TFEC: variants seen among roughly 807,000 people sequenced by gnomAD.
TFEC encodes transcription factor EC, also known as class E basic helix-loop-helix protein 34.
A neutral mutation model predicts 41.6 loss-of-function variants in TFEC; 31 were observed. The observed-to-expected ratio is 0.74, with a 90% CI of 0.56 to 1.01. The LOEUF (loss-of-function observed/expected upper bound fraction) is 1.01, where lower values mean the gene tolerates loss of function less well. Ranked by LOEUF, TFEC falls within the 50% of genes least tolerant of loss-of-function variation. The pLI is 0.00. For missense variants in TFEC, 402 were observed against 404.1 expected (o/e 0.99, Z 0.04); for synonymous variants, 143 against 140.6 (o/e 1.02, Z -0.12).
At chr7:116,051,558 C>A (rs1428715710) in intron 3 of TFEC, among the ~76,000 whole-genome samples, 8 of 152,106 alleles carry the variant, frequency 5.3e-5, no homozygotes, top group South Asian at 2.1e-4. Context: ...AGAACTGGAA[C>A]AAATGGTATA....
intron 3 of TFEC, among the ~76,000 whole-genome samples, chr7:116,102,068 A>T (rs1797617198): frequency 6.6e-6 from 1 of 152,202 alleles, no homozygotes; most frequent in Non-Finnish European, 1.5e-5. Context: ...TTTAATAATC[A>T]ACCCTTAATT....
chr7:116,040,690 C>A (rs1425390809), intron 3 of TFEC, among the ~76,000 whole-genome samples: 1 of 152,152 alleles, frequency 6.6e-6, no homozygotes, highest in African/African-American at 2.4e-5. Flanking sequence ...AATGCACATG[C>A]ACAACGCCTA....
At chr7:116,071,833 T>C (rs1039745242) in intron 3 of TFEC, among the ~76,000 whole-genome samples, 1 of 151,498 alleles carries the variant, frequency 6.6e-6, no homozygotes, top group Non-Finnish European at 1.5e-5. Context: ...AAATATCATA[T>C]CAAAACTGAA....
chr7:115,984,109 T>C (rs183961055), intron 2 of TFEC, among the ~76,000 whole-genome samples, 153 bp downstream of exon 2: 170 of 152,072 alleles, frequency 1.1e-3, no homozygotes, highest in African/African-American at 3.8e-3. Context: ...TATATGCATA[T>C]AGTTAATAAA....
intron 1 of TFEC, among the ~76,000 whole-genome samples, chr7:116,006,479 T>G (rs933756338): frequency 1.3e-5 from 2 of 152,232 alleles, no homozygotes; most frequent in East Asian, 3.8e-4. Context: ...GCATAGGGCC[T>G]GTAGCCCACT....
At chr7:115,971,216 AT>A in intron 3 of TFEC, among the ~76,000 whole-genome samples, 1 of 152,050 alleles carries the variant, frequency 6.6e-6, no homozygotes, top group Non-Finnish European at 1.5e-5. Context: ...AGAAATAGAT[AT>A]GTGACAGAAG....
At chr7:116,154,975 T>C (rs1406798888) in intron 1 of TFEC, among the ~76,000 whole-genome samples, 1 of 152,220 alleles carries the variant, frequency 6.6e-6, no homozygotes, top group East Asian at 1.9e-4. Context: ...TGCCAAATTT[T>C]CCTCTTTGGT....
In TFEC at chr7:115,940,298, C is replaced by T; in HGVS notation, c.*253G>A. 1 of 372,610 alleles carries T rather than the reference C, an allele frequency of 2.7e-6. No homozygotes were observed. The highest frequency in any genetic ancestry group is 4.5e-5 in the South Asian group (1 of 22,298). 23.1% of individuals were successfully genotyped at this position (372,610 alleles called of 1,614,324 possible). On this transcript the variant is annotated 3_prime_UTR_variant, in exon 8 of 8. Coordinates refer to ENST00000265440, the MANE Select transcript of TFEC (RefSeq NM_012252.4). ...CTATTTCTTATGCTGTACCTCTTTT[C>T]AGGAAAACAGAATTTAAGTGGATTT...
chr7:116,032,869 T>C (rs1358369215), upstream of TFEC, among the ~76,000 whole-genome samples: 1 of 152,112 alleles, frequency 6.6e-6, no homozygotes, highest in African/African-American at 2.4e-5. Context: ...ATGCATGTCG[T>C]TTCTAATAAA....
chr7:116,049,433 T>A lies in TFEC; in HGVS notation c.198+61275A>T, dbSNP rs575824739. ...TCAATTCAACAAGAAGAGCTAACTA[T>A]ACTAAATATATATGCACCCAATACA... On this transcript the variant is annotated intron_variant, in intron 3 of 8. Transcript: ENST00000484212. Among the ~76,000 whole-genome samples the A allele has an allele frequency of 7.5e-3, 1,144 of 152,300 alleles. 12 individuals carry two copies. The highest frequency in any genetic ancestry group is 0.025 in the African/African-American group (1,052 of 41,556).
chr7:116,024,331 C>T (rs1362074772), intron 1 of TFEC, among the ~76,000 whole-genome samples: 1 of 152,004 alleles, frequency 6.6e-6, no homozygotes, highest in Non-Finnish European at 1.5e-5. Flanking sequence ...AAGAGAACAA[C>T]AAAGACAAAG....
chr7:116,034,160 C>T (rs762036842), upstream of TFEC, among the ~76,000 whole-genome samples: 7 of 152,092 alleles, frequency 4.6e-5, no homozygotes, highest in Non-Finnish European at 8.8e-5. Flanking sequence ...TTCTCAGTCT[C>T]CTTTGCTGTT....
In TFEC at chr7:115,972,060, C is replaced by T. The variant is rs535193266; in HGVS notation, c.267+2110G>A. 7.9e-5 allele frequency among the ~76,000 whole-genome samples: 12 copies of T among 152,122 alleles called. No homozygotes were observed. In the South Asian group the frequency reaches 2.5e-3, roughly 32 times the overall value. On this transcript the variant is annotated intron_variant, in intron 3 of 7. Transcript: ENST00000265440. The stretch of plus-strand genomic sequence containing the variant: ...AAACTATAAAAATCCTTCAGAGTTT[C>T]CTACCCCTATTCTACCAGCTATTCT...
chr7:116,074,870 G>T (rs1050930705), intron 3 of TFEC, among the ~76,000 whole-genome samples: 5 of 152,096 alleles, frequency 3.3e-5, no homozygotes, highest in Non-Finnish European at 7.4e-5. Flanking sequence ...CAACCCAAAT[G>T]TCCACCAATT....
intron 1 of TFEC, among the ~76,000 whole-genome samples, chr7:115,994,283 G>A (rs1379986104): frequency 2.0e-5 from 3 of 152,056 alleles, no homozygotes; most frequent in Admixed American, 6.5e-5. Flanking sequence ...TACCATTCAG[G>A]ACATAGGCAT....
chr7:116,041,416 C>T (rs1441999203), intron 3 of TFEC, among the ~76,000 whole-genome samples: 4 of 151,978 alleles, frequency 2.6e-5, no homozygotes, highest in Non-Finnish European at 5.9e-5. Flanking sequence ...GTATTATGTG[C>T]CAGGAGATTT....
intron 3 of TFEC, among the ~76,000 whole-genome samples, chr7:116,057,988 C>T (rs1428640271): frequency 1.3e-5 from 2 of 151,484 alleles, no homozygotes; most frequent in Non-Finnish European, 1.5e-5. Flanking sequence ...ATAGATGGAA[C>T]AAACAGAAAA....
intron 3 of TFEC, among the ~76,000 whole-genome samples, chr7:115,973,370 T>C (rs930491534): frequency 3.9e-5 from 6 of 152,000 alleles, no homozygotes; most frequent in Non-Finnish European, 7.4e-5. Context: ...CAACTCAATA[T>C]AGTCAGAATT....
chr7:116,057,952 A>C (rs537402005), intron 3 of TFEC, among the ~76,000 whole-genome samples: 2 of 151,952 alleles, frequency 1.3e-5, no homozygotes, highest in South Asian at 2.1e-4. Context: ...ATCCAAAAAG[A>C]AGCAGAAAAT....
Sources: allele counts gnomAD v4.1 joint callset (sites outside exome capture counted in the v4.1 genomes callset), GRCh38; gene constraint gnomAD v4.1.1; transcripts MANE v1.5; gene names NCBI Gene and HGNC (gene_info 2026-07-23, HGNC 2026-07-21).